The following CADPS variants were observed in gnomAD, a reference collection of about 807,000 sequenced individuals.
CADPS encodes the protein calcium-dependent secretion activator 1.
Under a neutral mutation model 167.3 loss-of-function variants are expected in CADPS, and 57 were observed. The ratio of observed to expected loss-of-function variants is 0.34; its 90% CI spans 0.28 to 0.42. The LOEUF is 0.42. Ranked by LOEUF, CADPS falls within the 20% of genes least tolerant of loss-of-function variation. The pLI, the probability that CADPS is intolerant of heterozygous loss-of-function variation, is 1.00. For synonymous variants in CADPS, 676 were observed against 635.3 expected (o/e 1.06, Z -0.96); for missense variants, 1,414 against 1,738.1 (o/e 0.81, Z 3.32).
At position 62,873,946 on chromosome 3, in the gene CADPS, G is replaced by T. The variant is rs117731571; in HGVS notation, c.441+643C>A. Among the ~76,000 whole-genome samples, 225 of 152,324 alleles carry T rather than the reference G, an allele frequency of 1.5e-3. 2 individuals carry two copies. In the East Asian group the frequency reaches 0.039, roughly 26 times the overall value. On this transcript the variant is annotated intron_variant, in intron 1 of 29. Coordinates refer to ENST00000383710, the MANE Select transcript of CADPS (RefSeq NM_003716.4). ...CCAGCCATAAGGAAGCAGTGCCCGAGGACACTTTGGCGACGCTAGTCGGTG... is the reference window on the plus strand; with the variant it reads ...CCAGCCATAAGGAAGCAGTGCCCGATGACACTTTGGCGACGCTAGTCGGTG...
At chr3:62,448,022 G>A (rs1010478039) in intron 26 of CADPS, among the ~76,000 whole-genome samples, 2 of 152,030 alleles carry the variant, frequency 1.3e-5, no homozygotes, top group Admixed American at 6.6e-5. Context: ...GTTTACAATC[G>A]AGAACGTAAA....
chr3:62,569,118 G>C (rs1184622253), intron 9 of CADPS, among the ~76,000 whole-genome samples: 1 of 151,932 alleles, frequency 6.6e-6, no homozygotes, highest in Non-Finnish European at 1.5e-5. Context: ...ATTTTTTTTG[G>C]AGACGGAGTT....
At chr3:62,408,000 G>A (rs2048241059) in intron 28 of CADPS, among the ~76,000 whole-genome samples, 1 of 152,186 alleles carries the variant, frequency 6.6e-6, no homozygotes, top group African/African-American at 2.4e-5. Context: ...TTCCCAAAGT[G>A]CTGGGATTAC....
rs544342925 is a variant in CADPS, at chr3:62,778,757, A to G, written c.442-12773T>C. Among the ~76,000 whole-genome samples the G allele has an allele frequency of 6.6e-5, 10 of 152,360 alleles. No homozygotes were observed. The East Asian group carries it at 9.6e-4, about 15-fold the overall frequency. On this transcript the variant is annotated intron_variant, in intron 1 of 29. Transcript: ENST00000383710. Reference sequence around the variant, plus strand: ...CTGACATAAGCCAAAGTTAAGAGCCATTGCAAGAAACACTTGCTGAACGAA... The same window carrying G: ...CTGACATAAGCCAAAGTTAAGAGCCGTTGCAAGAAACACTTGCTGAACGAA...
intron 3 of CADPS, among the ~76,000 whole-genome samples, chr3:62,672,197 AAC>A (rs1324372513): frequency 3.5e-5 from 1 of 28,576 alleles, no homozygotes; most frequent in Non-Finnish European, 1.0e-4. Context: ...AACTTGTTAA[AAC>A]ACAGAGTCCG....
intron 10 of CADPS, chr3:62,550,750 A>G: frequency 2.2e-6 from 1 of 454,640 alleles, no homozygotes; most frequent in Admixed American, 2.4e-5. Context: ...AAACTTGTCC[A>G]GGTTTCAGTG....
chr3:62,400,601 C>CTTTTTTTTTTTTTTTTT (rs143643930), intron 29 of CADPS, among the ~76,000 whole-genome samples: 1 of 130,438 alleles, frequency 7.7e-6, no homozygotes. Flanking sequence ...TTTTTTTTTT[C>CTTTTTTTTTTTTTTTTT]TTTTTTTTTT....
chr3:62,790,969 T>TA (rs2092883925), intron 1 of CADPS, among the ~76,000 whole-genome samples: 3 of 151,024 alleles, frequency 2.0e-5, no homozygotes, highest in South Asian at 2.1e-4. Context: ...CTTTTTTTTT[T>TA]ATCCTCAAGC....
chr3:62,579,969 C>G (rs1297016413), intron 8 of CADPS, among the ~76,000 whole-genome samples: 5 of 152,036 alleles, frequency 3.3e-5, no homozygotes, highest in Non-Finnish European at 7.4e-5. Context: ...AGGTTGAATT[C>G]TAGATTTATC....
chr3:62,523,000 C>T (rs1043932260), intron 13 of CADPS, among the ~76,000 whole-genome samples: 56 of 152,220 alleles, frequency 3.7e-4, no homozygotes, highest in African/African-American at 1.0e-3. Context: ...TTCAAGTTTT[C>T]GGCAAACCAT....
chr3:62,751,204 T>G (rs750657554), intron 3 of CADPS, among the ~76,000 whole-genome samples: 1 of 152,216 alleles, frequency 6.6e-6, no homozygotes, highest in Non-Finnish European at 1.5e-5. Context: ...ATTTTCTTTC[T>G]TTTAAAATAC....
intron 8 of CADPS, among the ~76,000 whole-genome samples, chr3:62,582,975 G>T (rs570894104): frequency 2.6e-5 from 4 of 152,332 alleles, no homozygotes; most frequent in Non-Finnish European, 5.9e-5. Context: ...TCAAGTGGTT[G>T]CTGTGGAGAG....
At position 62,491,503 on chromosome 3, in the gene CADPS, T is replaced by C. The variant is rs774579975; in HGVS notation, c.2885-23A>G. The C allele has an allele frequency of 2.7e-5, 43 of 1,609,822 alleles. 1 individual carries two copies. In the South Asian group the frequency reaches 4.5e-4, roughly 17 times the overall value. ...TATCTAGAACAGATAAGCAAAAGCT[T>C]GTTAAGAACCCACAGCTACTTTATC... On this transcript the variant is annotated intron_variant, in intron 20 of 29. Transcript: ENST00000383710.
intron 28 of CADPS, among the ~76,000 whole-genome samples, chr3:62,417,114 G>T (rs920804077): frequency 2.6e-5 from 4 of 152,130 alleles, no homozygotes; most frequent in Admixed American, 1.3e-4. Flanking sequence ...GAATACATGT[G>T]TGCATACTCT....
At position 62,689,880 on chromosome 3, in the gene CADPS, G is replaced by A. The variant is rs182412453; in HGVS notation, c.889-27486C>T. 5.9e-5 allele frequency among the ~76,000 whole-genome samples: 9 copies of A among 152,154 alleles called. No individual in the cohort carries two copies. The East Asian group carries it at 1.6e-3, about 26-fold the overall frequency. ...ACAATGAGAGATGAGGGGGGGCGGC[G>A]TTCTAGCAGGAGAAAACAGGAAAAG... On this transcript the variant is annotated intron_variant, in intron 3 of 29. Coordinates refer to ENST00000383710, the MANE Select transcript of CADPS (RefSeq NM_003716.4).
Position 62,830,175 on chromosome 3 carries a change from G to A in CADPS, c.441+44414C>T, listed in dbSNP as rs55642868. Among the ~76,000 whole-genome samples, 909 of 152,268 alleles carry A rather than the reference G, an allele frequency of 6.0e-3. 8 individuals carry two copies. The highest frequency in any genetic ancestry group is 0.021 in the African/African-American group (881 of 41,542). On this transcript the variant is annotated intron_variant, in intron 1 of 29. Coordinates refer to ENST00000383710, the MANE Select transcript of CADPS (RefSeq NM_003716.4). ...TCAGGTAATATATGTCTTAGATGGA[G>A]GTCTGGCGCCTAGTGGATCTTCACC...
chr3:62,656,216 C>T (rs1469839913), intron 4 of CADPS, among the ~76,000 whole-genome samples: 1 of 152,146 alleles, frequency 6.6e-6, no homozygotes, highest in African/African-American at 2.4e-5. Context: ...GCTCCTACCA[C>T]CACCACTACA....
At chr3:62,549,113 C>G (rs2076932920) in intron 11 of CADPS, among the ~76,000 whole-genome samples, 1 of 152,180 alleles carries the variant, frequency 6.6e-6, no homozygotes, top group African/African-American at 2.4e-5. Flanking sequence ...TGTGTCATCT[C>G]TGATTGACTT....
intron 28 of CADPS, among the ~76,000 whole-genome samples, chr3:62,422,286 G>A (rs1203977063): frequency 1.3e-5 from 2 of 152,090 alleles, no homozygotes; most frequent in Non-Finnish European, 2.9e-5. Flanking sequence ...CTGCCCCTGA[G>A]CCCCCAACCT....
Sources: allele counts gnomAD v4.1 joint callset (sites outside exome capture counted in the v4.1 genomes callset), GRCh38; gene constraint gnomAD v4.1.1; transcripts MANE v1.5; gene names NCBI Gene and HGNC (gene_info 2026-07-23, HGNC 2026-07-21).